APBB2: variants seen among roughly 807,000 people sequenced by gnomAD.
APBB2 encodes the protein amyloid beta precursor protein binding family B member 2.
In APBB2, 38 loss-of-function variants were observed where a neutral mutation model predicts 82.5. That is an observed-to-expected ratio of 0.46 (90% CI 0.36 to 0.60). The LOEUF is 0.60. APBB2 is among the 20% of genes least tolerant of loss of function. The pLI, the probability that APBB2 is intolerant of heterozygous loss-of-function variation, is 0.00. For synonymous variants in APBB2, 341 were observed against 368.2 expected, an observed-to-expected ratio of 0.93 and a Z score of 0.85; for missense variants, 772 against 972.3, an observed-to-expected ratio of 0.79 and a Z score of 2.74.
chr4:40,900,732 C>T (rs989860085), intron 10 of APBB2, among the ~76,000 whole-genome samples: 2 of 150,050 alleles, frequency 1.3e-5, no homozygotes, highest in African/African-American at 2.5e-5. Context: ...GCTAGGATTA[C>T]AGGTGTGAGT....
intron 12 of APBB2, among the ~76,000 whole-genome samples, chr4:40,843,983 T>C (rs547346900): frequency 4.1e-4 from 63 of 152,290 alleles, no homozygotes; most frequent in African/African-American, 1.3e-3. Context: ...GTCTCCTAAA[T>C]GGCAAACACA....
chr4:41,136,187 A>C (rs1437793415), intron 2 of APBB2, among the ~76,000 whole-genome samples: 1 of 152,232 alleles, frequency 6.6e-6, no homozygotes, highest in African/African-American at 2.4e-5. Flanking sequence ...AGGTTACTCT[A>C]ACCCAGCCAT....
chr4:40,964,934 C>T (rs1321428814), intron 6 of APBB2, among the ~76,000 whole-genome samples: 2 of 152,034 alleles, frequency 1.3e-5, no homozygotes, highest in Admixed American at 1.3e-4. Flanking sequence ...TCCTGGCTAA[C>T]ACAGTGAAAC....
At chr4:40,906,226 G>A (rs1469404876) in intron 10 of APBB2, among the ~76,000 whole-genome samples, 1 of 152,020 alleles carries the variant, frequency 6.6e-6, no homozygotes, top group Non-Finnish European at 1.5e-5. Context: ...GGAGGCTGAG[G>A]TGGCTTCTGC....
chr4:40,820,762 T>A (rs1046472059), intron 17 of APBB2, among the ~76,000 whole-genome samples: 2 of 152,156 alleles, frequency 1.3e-5, no homozygotes, highest in Admixed American at 1.3e-4. Flanking sequence ...GCCATCATCA[T>A]AAGCCCGCCA....
chr4:40,869,553 ACT>A (rs1764900082), intron 12 of APBB2, among the ~76,000 whole-genome samples: 1 of 151,998 alleles, frequency 6.6e-6, no homozygotes, highest in African/African-American at 2.4e-5. Context: ...CTGCCACTGT[ACT>A]CCAGCCTGGG....
At chr4:40,983,822 C>T (rs1409232564) in intron 6 of APBB2, among the ~76,000 whole-genome samples, 2 of 152,188 alleles carry the variant, frequency 1.3e-5, no homozygotes, top group Non-Finnish European at 2.9e-5. Context: ...AGTGTTCCTC[C>T]CGCCTCGGCC....
intron 7 of APBB2, among the ~76,000 whole-genome samples, chr4:40,938,503 T>G (rs548577561): frequency 6.6e-6 from 1 of 152,308 alleles, no homozygotes; most frequent in South Asian, 2.1e-4. Flanking sequence ...CAATTCCACA[T>G]AGCAAACAAA....
intron 1 of APBB2, among the ~76,000 whole-genome samples, chr4:41,188,765 C>T (rs758750422): frequency 2.0e-5 from 3 of 152,100 alleles, no homozygotes; most frequent in Admixed American, 6.5e-5. Flanking sequence ...GTGGTGGCAA[C>T]TAGCAGGGTG....
At chr4:40,870,582 G>A (rs1370647156) in intron 12 of APBB2, among the ~76,000 whole-genome samples, 3 of 152,114 alleles carry the variant, frequency 2.0e-5, no homozygotes, top group Non-Finnish European at 2.9e-5. Context: ...GAAGATGGAG[G>A]AGCAAAGCTG....
intron 1 of APBB2, chr4:41,193,606 T>C: frequency 1.0e-6 from 1 of 981,070 alleles, no homozygotes; most frequent in Admixed American, 6.2e-5. Context: ...ACATGTTCCT[T>C]GCGGAGGCTG....
rs78122692 is a variant in APBB2 at position 41,153,169 on chromosome 4, T to C, written c.-416-10027A>G. Among the ~76,000 whole-genome samples the C allele has an allele frequency of 3.0e-3, 456 of 152,276 alleles. 20 individuals are homozygous for C. In the East Asian group the frequency reaches 0.079, roughly 26 times the overall value. On this transcript the variant is annotated intron_variant, in intron 1 of 17. Transcript: ENST00000508593. Reference sequence around the variant, plus strand: ...CTCTTCAGGTAACCTATCTTTTGTGTTTGCTTACACATAAAGCTTGGGTTT... The same window carrying C: ...CTCTTCAGGTAACCTATCTTTTGTGCTTGCTTACACATAAAGCTTGGGTTT...
At chr4:41,195,398 CA>C in intron 1 of APBB2, among the ~76,000 whole-genome samples, 1 of 152,164 alleles carries the variant, frequency 6.6e-6, no homozygotes, top group African/African-American at 2.4e-5. Context: ...AGTCCATCAA[CA>C]AACCGTGCTC....
intron 4 of APBB2, among the ~76,000 whole-genome samples, chr4:41,063,950 A>AT (rs11422110): frequency 0.71 from 65,209 of 91,896 alleles, 24,128 homozygotes; most frequent in East Asian, 0.82. Context: ...AAATGCTGGG[A>AT]TTTTTTTTTT....
Position 40,832,955 on chromosome 4 carries a change from G to A in APBB2, c.1530-2378C>T, listed in dbSNP as rs993505538. On this transcript the variant is annotated intron_variant, in intron 12 of 17. Coordinates refer to ENST00000508593, the MANE Select transcript of APBB2 (RefSeq NM_004307.2). This position sits in a 1 kb window ranked among gnomAD's most constrained non-coding sequence, Gnocchi z 4.8. ...CTGAATGGGTTCCACGACTGGGCTC[G>A]GGGGTGGGTTGGGGCAAGTCACTGG... Among the ~76,000 whole-genome samples, 3 of 152,100 alleles carry A rather than the reference G, an allele frequency of 2.0e-5. No individual in the cohort carries two copies. The highest frequency in any genetic ancestry group is 7.2e-5 in the African/African-American group (3 of 41,422).
Position 41,029,036 on chromosome 4 carries a change from T to C in APBB2, c.19+4200A>G, listed in dbSNP as rs552449809. ...TTACTCCCGCGACATGCTTATAAAATTGGAAACTGACAAACGGGCCCAGGG... is the reference window on the plus strand; with the variant it reads ...TTACTCCCGCGACATGCTTATAAAACTGGAAACTGACAAACGGGCCCAGGG... On this transcript the variant is annotated intron_variant, in intron 5 of 17. Transcript: ENST00000508593. 2.0e-5 allele frequency among the ~76,000 whole-genome samples: 3 copies of C among 152,306 alleles called. No homozygotes were observed. The East Asian group carries it at 5.8e-4, about 29-fold the overall frequency.
chr4:41,117,820 C>T (rs1216395476), intron 2 of APBB2, among the ~76,000 whole-genome samples: 1 of 152,142 alleles, frequency 6.6e-6, no homozygotes, highest in African/African-American at 2.4e-5. Flanking sequence ...ATTTCAACAA[C>T]ATCTGTGCAA....
In APBB2 at chr4:40,901,909, A is replaced by G. The variant is rs201683365; in HGVS notation, c.1255-8498T>C. Among the ~76,000 whole-genome samples the G allele has an allele frequency of 7.6e-3, 1,100 of 145,602 alleles. 7 individuals are homozygous for G. Among genetic ancestry groups the G allele is most frequent in the African/African-American group, 0.014 (560 of 39,324 alleles). ...ACACCCTGAAAATATATCCAAAATT[A>G]TGTGTGTGTGTGTGTGTGTGTGTGT... On this transcript the variant is annotated intron_variant, in intron 10 of 17. Transcript: ENST00000508593.
chr4:40,919,299 C>T (rs1374221406), intron 10 of APBB2, among the ~76,000 whole-genome samples: 1 of 152,194 alleles, frequency 6.6e-6, no homozygotes, highest in Non-Finnish European at 1.5e-5. Context: ...GAGGAGGCGA[C>T]AAACACCCCC....
Sources: allele counts gnomAD v4.1 joint callset (sites outside exome capture counted in the v4.1 genomes callset), GRCh38; gene constraint gnomAD v4.1.1; non-coding constraint Gnocchi (gnomAD v3.1); transcripts MANE v1.5; gene names NCBI Gene and HGNC (gene_info 2026-07-23, HGNC 2026-07-21).